EDDM13: variants seen among roughly 807,000 people sequenced by gnomAD.
The protein encoded by EDDM13 is epididymal protein 13.
Under a neutral mutation model 17.8 loss-of-function variants are expected in EDDM13, and 24 were observed. The ratio of observed to expected loss-of-function variants is 1.35; its 90% CI spans 0.98 to 1.90. The LOEUF (loss-of-function observed/expected upper bound fraction) is 1.90, where lower values mean the gene tolerates loss of function less well. Among genes scored for constraint, EDDM13 ranks in the 40% most tolerant of loss-of-function variants. The pLI is 0.00. For synonymous variants in EDDM13, 31 were observed against 37.5 expected, an observed-to-expected ratio of 0.83 and a Z score of 0.63; for missense variants, 97 against 100.8, an observed-to-expected ratio of 0.96 and a Z score of 0.16.
At position 56,302,061 on chromosome 19, in the gene EDDM13, C is replaced by T. The variant is rs1316104020; in HGVS notation, c.389C>T (p.Thr130Ile). 1.9e-5 allele frequency: 24 copies of T among 1,231,712 alleles called. No individual in the cohort carries two copies. The highest frequency in any genetic ancestry group is 2.3e-5 in the Non-Finnish European group (23 of 988,088). The allele number at this position is 1,231,712 out of a possible 1,614,324, so 76.3% of individuals were successfully genotyped here. A position where few individuals can be genotyped will look rare whatever the true frequency, so the allele number is the denominator to read the frequency against. ...NFLKCAYMVM[T>I]YLFVSYNKGD... is the part of the protein sequence containing the mutation. ...CTGAAATGCGCCTACATGGTGATGACCTACCTCTTCGTATCCTACAACAAA... is the reference window on the plus strand; with the variant it reads ...CTGAAATGCGCCTACATGGTGATGATCTACCTCTTCGTATCCTACAACAAA... The change falls in exon 13 of 15, where the codon ACC becomes ATC. Residue 130 changes from threonine to isoleucine, a missense_variant. Physicochemically the swap from Thr to Ile is moderately conservative, Grantham distance 89 (BLOSUM62 -1). Transcript: ENST00000649256.
chr19:56,307,364 T>C (rs981928776), intron 14 of EDDM13, among the ~76,000 whole-genome samples: 4 of 152,264 alleles, frequency 2.6e-5, no homozygotes, highest in African/African-American at 9.6e-5. Context: ...CTATGATGAG[T>C]GTCTTTCAAA....
intron 9 of EDDM13, among the ~76,000 whole-genome samples, chr19:56,292,458 CTT>C (rs899365291): frequency 7.4e-6 from 1 of 135,146 alleles, no homozygotes. Flanking sequence ...TCTGTTTTTA[CTT>C]TTTTTTTTTT....
chr19:56,285,951 T>C (rs996231841), intron 6 of EDDM13, among the ~76,000 whole-genome samples: 1 of 152,250 alleles, frequency 6.6e-6, no homozygotes, highest in Non-Finnish European at 1.5e-5. Context: ...TTAACAAATT[T>C]GCATCTTCAT....
chr19:56,298,611 C>T (rs1314171102), intron 12 of EDDM13, among the ~76,000 whole-genome samples: 3 of 150,966 alleles, frequency 2.0e-5, no homozygotes, highest in African/African-American at 7.3e-5. Flanking sequence ...TGAGATCGTG[C>T]CACTGTACTC....
intron 2 of EDDM13, among the ~76,000 whole-genome samples, chr19:56,281,383 T>C (rs1471810675): frequency 6.6e-6 from 1 of 152,148 alleles, no homozygotes; most frequent in East Asian, 1.9e-4. Context: ...CATTTACATA[T>C]TTATATAAAT....
chr19:56,278,938 C>T (rs927268070), intron 2 of EDDM13, among the ~76,000 whole-genome samples: 23 of 152,288 alleles, frequency 1.5e-4, no homozygotes, highest in Middle Eastern at 3.4e-3. Context: ...ATGGTGCTCA[C>T]CCACCGTGAG....
At chr19:56,284,297 T>C (rs569461650) in intron 5 of EDDM13, 91 bp downstream of exon 5, 42 of 380,186 alleles carry the variant, frequency 1.1e-4, no homozygotes, top group East Asian at 3.2e-4. Flanking sequence ...CTGGGTTAGA[T>C]TGTGTGTATT....
Position 56,285,029 on chromosome 19 carries a change from G to A in EDDM13, c.154+5G>A. 2 of 985,286 alleles carry A rather than the reference G, an allele frequency of 2.0e-6. No individual in the cohort carries two copies. Among genetic ancestry groups the A allele is most frequent in the Non-Finnish European group, 2.4e-6 (2 of 829,790 alleles). 61.0% of individuals were successfully genotyped at this position (985,286 alleles called of 1,614,324 possible). A position where few individuals can be genotyped will look rare whatever the true frequency, so the allele number is the denominator to read the frequency against. On this transcript the variant is annotated splice_donor_5th_base_variant and intron_variant, in intron 6 of 14. Coordinates refer to ENST00000649256, the MANE Select transcript of EDDM13 (RefSeq NM_001354658.2). ...TGAGCAGACTGTCACCGGATGGTAA[G>A]TGTCAGGATTGTATCTTTTAAACCT...
intron 9 of EDDM13, among the ~76,000 whole-genome samples, chr19:56,291,960 TC>T (rs2039538539): frequency 6.6e-6 from 1 of 152,176 alleles, no homozygotes; most frequent in African/African-American, 2.4e-5. Flanking sequence ...GTGTAGTTAT[TC>T]CCCACAACTT....
chr19:56,297,332 G>GTTTCT (rs988704829), intron 11 of EDDM13, among the ~76,000 whole-genome samples, 173 bp from the exon 12 acceptor site: 1 of 151,820 alleles, frequency 6.6e-6, no homozygotes, highest in Non-Finnish European at 1.5e-5. Flanking sequence ...TCACCTGATG[G>GTTTCT]TTTCTTTTCT....
At chr19:56,304,673 G>C (rs2040568271) in intron 13 of EDDM13, 120 bp from the exon 14 acceptor site, 1 of 450,498 alleles carries the variant, frequency 2.2e-6, no homozygotes, top group Non-Finnish European at 2.9e-6. Context: ...GGAAAGAGCA[G>C]AGGGGGAGGA....
At chr19:56,291,143 C>T (rs1387579525) in intron 9 of EDDM13, among the ~76,000 whole-genome samples, 1 of 152,072 alleles carries the variant, frequency 6.6e-6, no homozygotes, top group Non-Finnish European at 1.5e-5. Context: ...GGACCGTTGC[C>T]CCAGAAGACA....
intron 14 of EDDM13, among the ~76,000 whole-genome samples, chr19:56,305,439 C>T (rs570294178): frequency 7.2e-5 from 11 of 152,340 alleles, no homozygotes; most frequent in Non-Finnish European, 7.3e-5. Flanking sequence ...TGCTGGATAA[C>T]ACTCCACGGC....
chr19:56,308,267 T>C (rs35533663), intron 14 of EDDM13, among the ~76,000 whole-genome samples: 14,558 of 151,418 alleles, frequency 0.096, 739 homozygotes, highest in Middle Eastern at 0.13. Flanking sequence ...CTCTTGACCT[T>C]GTGATCCGCC....
At chr19:56,307,269 C>T (rs1040191437) in intron 14 of EDDM13, among the ~76,000 whole-genome samples, 7 of 152,184 alleles carry the variant, frequency 4.6e-5, no homozygotes, top group Admixed American at 4.6e-4. Flanking sequence ...GCCCTTTTTA[C>T]ATTAAAAAAT....
intron 2 of EDDM13, among the ~76,000 whole-genome samples, chr19:56,277,322 T>C (rs992919244): frequency 2.0e-5 from 3 of 152,198 alleles, no homozygotes; most frequent in African/African-American, 7.2e-5. Context: ...CAGAGTGTGG[T>C]CTATGCATAC....
At position 56,301,943 on chromosome 19, in the gene EDDM13, C is replaced by G. The variant is rs546564885; in HGVS notation, c.296-25C>G. On this transcript the variant is annotated intron_variant, in intron 12 of 14. Transcript: ENST00000649256. ...GGCAGGAAGGGAAGGCCATCAGCAT[C>G]AATCATCTCCACGGTTCTCTCCAGT... is the stretch of plus-strand genomic sequence containing the variant. 3.2e-6 allele frequency: 4 copies of G among 1,232,054 alleles called. No individual in the cohort carries two copies. The South Asian group carries it at 1.6e-4, about 51-fold the overall frequency. 76.3% of individuals were successfully genotyped at this position (1,232,054 alleles called of 1,614,324 possible). A position where few individuals can be genotyped will look rare whatever the true frequency, so the allele number is the denominator to read the frequency against.
chr19:56,283,841 T>C (rs2038900299), intron 4 of EDDM13: 2 of 152,242 alleles, frequency 1.3e-5, no homozygotes, highest in African/African-American at 2.4e-5. Context: ...GGACAGAGCT[T>C]GGCTCCTCTT....
At chr19:56,304,469 C>T (rs1417618347) in intron 13 of EDDM13, among the ~76,000 whole-genome samples, 2 of 152,178 alleles carry the variant, frequency 1.3e-5, no homozygotes, top group Admixed American at 6.5e-5. Context: ...ACCTGCCATA[C>T]GGCCCAGGAC....
Sources: allele counts gnomAD v4.1 joint callset (sites outside exome capture counted in the v4.1 genomes callset), GRCh38; gene constraint gnomAD v4.1.1; transcripts MANE v1.5; gene names NCBI Gene and HGNC (gene_info 2026-07-23, HGNC 2026-07-21).